Variants in JAK1 observed in about 807,000 individuals in gnomAD.
JAK1 encodes the protein Janus kinase 1, also known as tyrosine-protein kinase JAK1.
Under a neutral mutation model 136.6 loss-of-function variants are expected in JAK1, and 16 were observed. The observed-to-expected ratio is 0.12, with a 90% CI of 0.08 to 0.18. JAK1 has a LOEUF of 0.18. Ranked by LOEUF, JAK1 falls within the 10% of genes least tolerant of loss-of-function variation. JAK1 has a pLI of 1.00. For missense variants in JAK1, 859 were observed against 1,450.1 expected, an observed-to-expected ratio of 0.59 and a Z score of 6.62; for synonymous variants, 492 against 519.5, an observed-to-expected ratio of 0.95 and a Z score of 0.72.
chr1:64,861,827 G>C (rs1557643217), intron 8 of JAK1, among the ~76,000 whole-genome samples: 1 of 152,164 alleles, frequency 6.6e-6, no homozygotes, highest in Non-Finnish European at 1.5e-5. Context: ...ACCACACTGA[G>C]CACACTGCCT....
At chr1:64,897,420 C>T (rs1465517973) in intron 1 of JAK1, among the ~76,000 whole-genome samples, 1 of 139,980 alleles carries the variant, frequency 7.1e-6, no homozygotes, top group African/African-American at 2.7e-5. Context: ...AAGACTGCAT[C>T]CCAAAAGAAA....
chr1:64,936,339 G>C (rs1480712562), intron 1 of JAK1, among the ~76,000 whole-genome samples: 1 of 152,192 alleles, frequency 6.6e-6, no homozygotes, highest in East Asian at 1.9e-4. Context: ...TGGACTCTAA[G>C]AGTATTTGGT....
intron 2 of JAK1, among the ~76,000 whole-genome samples, chr1:65,025,080 A>T (rs1417137520): frequency 6.6e-6 from 1 of 152,208 alleles, no homozygotes; most frequent in Non-Finnish European, 1.5e-5. Context: ...CAATTAGAAC[A>T]GCAAGATGGC....
At chr1:64,842,478 C>A (rs1486114883) in intron 17 of JAK1, among the ~76,000 whole-genome samples, 1 of 151,994 alleles carries the variant, frequency 6.6e-6, no homozygotes, top group African/African-American at 2.4e-5. Flanking sequence ...GGTGGGCAGG[C>A]CCCAGAGGAC....
chr1:65,047,189 T>G (rs1305469466), intron 1 of JAK1, among the ~76,000 whole-genome samples: 1 of 152,108 alleles, frequency 6.6e-6, no homozygotes, highest in African/African-American at 2.4e-5. Flanking sequence ...CCAAAAAATT[T>G]TTTTTGTTTC....
intron 1 of JAK1, among the ~76,000 whole-genome samples, chr1:64,954,803 G>A (rs1157644859): frequency 6.6e-6 from 1 of 152,166 alleles, no homozygotes; most frequent in African/African-American, 2.4e-5. Flanking sequence ...AAGAAAACTG[G>A]ATAGCAACTA....
chr1:65,062,834 T>C (rs528860466), intron 1 of JAK1, among the ~76,000 whole-genome samples: 14 of 147,998 alleles, frequency 9.5e-5, no homozygotes, highest in South Asian at 8.3e-4. Flanking sequence ...AGATACTTGA[T>C]TGATTGATTA....
chr1:64,862,528 G>C (rs1024701954), intron 8 of JAK1, among the ~76,000 whole-genome samples: 1 of 152,216 alleles, frequency 6.6e-6, no homozygotes, highest in Non-Finnish European at 1.5e-5. Context: ...CCCTCCTCCT[G>C]CTCCCTCCAC....
At chr1:64,901,376 C>T (rs1342499568) in intron 1 of JAK1, among the ~76,000 whole-genome samples, 1 of 152,168 alleles carries the variant, frequency 6.6e-6, no homozygotes, top group African/African-American at 2.4e-5. Flanking sequence ...ATTTTCTATT[C>T]TCTCCCATCA....
chr1:65,003,334 G>A (rs1646778062), intron 2 of JAK1: 1 of 152,110 alleles, frequency 6.6e-6, no homozygotes, highest in African/African-American at 2.4e-5. Flanking sequence ...GGTTGGCGCC[G>A]GGTGACTGCA....
At chr1:64,901,575 G>C (rs138374273) in intron 1 of JAK1, among the ~76,000 whole-genome samples, 1 of 152,290 alleles carries the variant, frequency 6.6e-6, no homozygotes, top group African/African-American at 2.4e-5. Flanking sequence ...TTCTGTTACA[G>C]AAGAATCATT....
chr1:64,880,044 G>A (rs1644745562), intron 3 of JAK1, among the ~76,000 whole-genome samples: 1 of 152,148 alleles, frequency 6.6e-6, no homozygotes, highest in Non-Finnish European at 1.5e-5. Context: ...AAAAAACCTG[G>A]GAGAATATGA....
intron 14 of JAK1, 55 bp downstream of exon 14, chr1:64,846,594 A>T: frequency 1.5e-6 from 2 of 1,336,988 alleles, no homozygotes; most frequent in Admixed American, 3.6e-5. Context: ...CCATCTCCAC[A>T]GCACCCAAGC....
chr1:64,903,167 C>T (rs1335992912), intron 1 of JAK1, among the ~76,000 whole-genome samples: 2 of 152,168 alleles, frequency 1.3e-5, no homozygotes, highest in Non-Finnish European at 2.9e-5. Flanking sequence ...GCTGGGATTA[C>T]AGGCATGCAC....
intron 1 of JAK1, among the ~76,000 whole-genome samples, chr1:64,928,799 A>AAAAAAAC (rs1645636589): frequency 4.7e-5 from 4 of 85,084 alleles, no homozygotes; most frequent in Middle Eastern, 4.0e-3. Context: ...AAAAAAAACA[A>AAAAAAAC]AAAAAAAAAA....
intron 11 of JAK1, among the ~76,000 whole-genome samples, chr1:64,854,523 G>A (rs1400665916): frequency 6.6e-6 from 1 of 152,108 alleles, no homozygotes; most frequent in South Asian, 2.1e-4. Flanking sequence ...GACCCACTTC[G>A]CTCTTCTGGG....
rs749225218 is a variant in JAK1 at position 64,839,655 on chromosome 1, C to T, written c.2790G>A (p.Arg930=). 1.9e-6 allele frequency: 3 copies of T among 1,614,132 alleles called. No individual in the cohort carries two copies. Among genetic ancestry groups the T allele is most frequent in the Middle Eastern group, 1.6e-4 (1 of 6,084 alleles). The change falls in exon 20 of 25, where the codon AGG becomes AGA. Residue 930 remains arginine (R), a synonymous_variant. Transcript: ENST00000342505. ...ADLKKEIEIL[R]NLYHENIVKY... is the part of the protein sequence containing the mutation. ...TCACAATGTTCTCATGATAGAGGTTCCTTAAGATCTCGATTTCCTTTTTCA... is the reference window on the plus strand; with the variant it reads ...TCACAATGTTCTCATGATAGAGGTTTCTTAAGATCTCGATTTCCTTTTTCA...
intron 8 of JAK1, among the ~76,000 whole-genome samples, 187 bp from the exon 9 acceptor site, chr1:64,860,449 T>C (rs1656225038): frequency 6.6e-6 from 1 of 151,062 alleles, no homozygotes; most frequent in Non-Finnish European, 1.5e-5. Context: ...TATTTATTTA[T>C]TTATTTATTT....
chr1:64,963,189 G>T (rs1646313626), intron 1 of JAK1, among the ~76,000 whole-genome samples: 1 of 152,068 alleles, frequency 6.6e-6, no homozygotes, highest in African/African-American at 2.4e-5. Context: ...CAGAAACAAG[G>T]AACACCTTCC....
Sources: allele counts gnomAD v4.1 joint callset (sites outside exome capture counted in the v4.1 genomes callset), GRCh38; gene constraint gnomAD v4.1.1; transcripts MANE v1.5; gene names NCBI Gene and HGNC (gene_info 2026-07-23, HGNC 2026-07-21).